The following EBF2 variants were observed in gnomAD, a reference collection of about 807,000 sequenced individuals.
EBF2 encodes EBF transcription factor 2, also known as transcription factor COE2.
EBF2 carries 21 observed loss-of-function variants against 72.8 expected under a neutral mutation model. That is an observed-to-expected ratio of 0.29 (90% confidence interval 0.20 to 0.42). The LOEUF is 0.42. Among genes scored for constraint, EBF2 ranks in the 10% least tolerant of loss-of-function variants. The pLI is 1.00. For synonymous variants in EBF2, 299 were observed against 274.2 expected (o/e 1.09, Z -0.89); for missense variants, 637 against 731.2 (o/e 0.87, Z 1.49).
intron 5 of EBF2, among the ~76,000 whole-genome samples, chr8:26,036,047 A>C (rs1805496374): frequency 6.6e-6 from 1 of 152,192 alleles, no homozygotes; most frequent in Non-Finnish European, 1.5e-5. Context: ...CCCTTTTGAC[A>C]TCACCAGCAT....
At chr8:25,907,006 T>C (rs528175325) in intron 7 of EBF2, among the ~76,000 whole-genome samples, 1 of 152,204 alleles carries the variant, frequency 6.6e-6, no homozygotes, top group Non-Finnish European at 1.5e-5. Flanking sequence ...TGTTAACTCT[T>C]GAATGGCTCT....
intron 6 of EBF2, among the ~76,000 whole-genome samples, chr8:26,023,792 G>T (rs1694074105): frequency 6.6e-6 from 1 of 152,096 alleles, no homozygotes; most frequent in African/African-American, 2.4e-5. Context: ...GCTGGGGGAG[G>T]GGAAGCAGGG....
intron 6 of EBF2, among the ~76,000 whole-genome samples, chr8:26,009,848 C>T (rs1396753715): frequency 6.6e-6 from 1 of 152,204 alleles, no homozygotes. Flanking sequence ...TCTGAGGAGA[C>T]TGCTGACATC....
At chr8:26,029,776 A>G (rs1186445993) in intron 6 of EBF2, among the ~76,000 whole-genome samples, 2 of 152,184 alleles carry the variant, frequency 1.3e-5, no homozygotes, top group Non-Finnish European at 2.9e-5. Context: ...ACTACATTGC[A>G]CCCATTTGGG....
Position 26,042,045 on chromosome 8 carries a change from G to T in EBF2, c.288+50C>A, listed in dbSNP as rs372341838. 24 of 1,594,748 alleles carry T rather than the reference G, an allele frequency of 1.5e-5. No individual in the cohort carries two copies. In the South Asian group the frequency reaches 2.5e-4, roughly 16 times the overall value. On this transcript the variant is annotated intron_variant, in intron 2 of 15. Coordinates refer to ENST00000520164, the MANE Select transcript of EBF2 (RefSeq NM_022659.4). ...TGACAGATGGAATCTTTAGTGCTTC[G>T]CAAGAGGGAGTTATTAGGCCGCGGG...
chr8:26,007,583 T>C (rs945240559), intron 6 of EBF2, among the ~76,000 whole-genome samples: 1 of 152,160 alleles, frequency 6.6e-6, no homozygotes, highest in African/African-American at 2.4e-5. Flanking sequence ...TCAAGGTTGC[T>C]GGGGAAGGGT....
At chr8:26,010,221 CTT>C (rs1804954414) in intron 6 of EBF2, among the ~76,000 whole-genome samples, 1 of 152,136 alleles carries the variant, frequency 6.6e-6, no homozygotes, top group Non-Finnish European at 1.5e-5. Flanking sequence ...CATAATATAA[CTT>C]TGTGAATATG....
At chr8:25,995,001 A>T (rs1012596033) in intron 6 of EBF2, among the ~76,000 whole-genome samples, 27 of 151,884 alleles carry the variant, frequency 1.8e-4, no homozygotes, top group Admixed American at 6.6e-4. Context: ...TGAAAAAAAA[A>T]TTTTTTTTAA....
chr8:26,042,561 A>G (rs1000080796), intron 1 of EBF2, among the ~76,000 whole-genome samples: 1 of 151,852 alleles, frequency 6.6e-6, no homozygotes, highest in African/African-American at 2.4e-5. Context: ...GGCTGCAGAC[A>G]GAGGCCCAGA....
intron 6 of EBF2, among the ~76,000 whole-genome samples, chr8:25,942,026 T>C (rs1803682448): frequency 6.6e-6 from 1 of 152,148 alleles, no homozygotes; most frequent in Admixed American, 6.5e-5. Context: ...GAAAACCATG[T>C]TCCCGTCCTC....
At chr8:25,891,789 G>C (rs1483066484) in intron 7 of EBF2, among the ~76,000 whole-genome samples, 2 of 152,114 alleles carry the variant, frequency 1.3e-5, no homozygotes. Context: ...TGTTGGCCAG[G>C]CTGGTCTTGA....
intron 7 of EBF2, among the ~76,000 whole-genome samples, chr8:25,907,096 T>TA (rs1470651083): frequency 3.3e-5 from 5 of 151,988 alleles, no homozygotes; most frequent in Non-Finnish European, 7.4e-5. Flanking sequence ...TAGGGTTCAA[T>TA]AAAAAATGAA....
chr8:25,891,253 C>A (rs1802774156), intron 7 of EBF2, among the ~76,000 whole-genome samples: 1 of 152,006 alleles, frequency 6.6e-6, no homozygotes, highest in Non-Finnish European at 1.5e-5. Flanking sequence ...AAAGGCTGGC[C>A]AAGCATAGCA....
intron 7 of EBF2, among the ~76,000 whole-genome samples, chr8:25,891,118 T>C (rs1260508452): frequency 6.6e-6 from 1 of 152,170 alleles, no homozygotes; most frequent in East Asian, 1.9e-4. Flanking sequence ...AAGAGTTTAT[T>C]TTCTGGCTGG....
chr8:26,026,687 G>T (rs1362063379), intron 6 of EBF2, among the ~76,000 whole-genome samples: 2 of 152,246 alleles, frequency 1.3e-5, no homozygotes, highest in South Asian at 2.1e-4. Context: ...CACAATAACA[G>T]ATTCCCCCTC....
chr8:26,004,557 C>A lies in EBF2; in HGVS notation c.551+28528G>T, dbSNP rs540611026. 5.3e-5 allele frequency among the ~76,000 whole-genome samples: 8 copies of A among 151,504 alleles called. No individual in the cohort carries two copies. In the South Asian group the frequency reaches 1.7e-3, roughly 32 times the overall value. On this transcript the variant is annotated intron_variant, in intron 6 of 15. Transcript: ENST00000520164. The stretch of plus-strand genomic sequence containing the variant: ...GGGCGTGGTGGCATACGCCTGTAGT[C>A]CCAGTTTCTTGAGAGGCTGAGGCAC...
At chr8:26,003,622 A>G (rs539227497) in intron 6 of EBF2, among the ~76,000 whole-genome samples, 1 of 152,200 alleles carries the variant, frequency 6.6e-6, no homozygotes, top group Admixed American at 6.5e-5. Flanking sequence ...ATGCCCTAAG[A>G]GGCAACCTCC....
In EBF2 at chr8:26,013,005, T is replaced by C. The variant is rs904653282; in HGVS notation, c.551+20080A>G. Among the ~76,000 whole-genome samples the C allele has an allele frequency of 4.6e-5, 7 of 152,168 alleles. 1 individual carries two copies. In the South Asian group the frequency reaches 1.0e-3, roughly 22 times the overall value. On this transcript the variant is annotated intron_variant, in intron 6 of 15. Transcript: ENST00000520164. Reference sequence around the variant, plus strand: ...GGGAGTTGGTGGGGGATTGGAAATATAGACAATCAACAAGTAAATGAGTCA... The same window carrying C: ...GGGAGTTGGTGGGGGATTGGAAATACAGACAATCAACAAGTAAATGAGTCA...
At chr8:26,022,977 G>T (rs989636003) in intron 6 of EBF2, among the ~76,000 whole-genome samples, 13 of 152,128 alleles carry the variant, frequency 8.5e-5, no homozygotes, top group Admixed American at 2.0e-4. Context: ...ATTCTAATTC[G>T]CAAACAAATC....
Sources: gnomAD v4.1 joint callset for allele counts (sites outside exome capture counted in the v4.1 genomes callset) on GRCh38, gnomAD v4.1.1 for gene constraint, MANE v1.5 for transcripts, NCBI Gene and HGNC (gene_info 2026-07-23, HGNC 2026-07-21) for gene names.